Variants in KIAA0825 observed in about 807,000 individuals in gnomAD.
KIAA0825 encodes KIAA0825, also known as uncharacterized protein KIAA0825.
A neutral mutation model predicts 147.6 loss-of-function variants in KIAA0825; 119 were observed. That is an observed-to-expected ratio of 0.81 (90% CI 0.69 to 0.94). KIAA0825 has a LOEUF of 0.94. Ranked by LOEUF, KIAA0825 falls within the 40% of genes least tolerant of loss-of-function variation. The pLI, the probability that KIAA0825 is intolerant of heterozygous loss-of-function variation, is 0.00. For synonymous variants in KIAA0825, 470 were observed against 518.1 expected, an observed-to-expected ratio of 0.91 and a Z score of 1.26; for missense variants, 1,381 against 1,472.7, an observed-to-expected ratio of 0.94 and a Z score of 1.02.
chr5:94,585,235 C>T (rs1783040713), intron 1 of KIAA0825, among the ~76,000 whole-genome samples: 1 of 152,166 alleles, frequency 6.6e-6, no homozygotes, highest in Non-Finnish European at 1.5e-5. Flanking sequence ...AATTAAAAGA[C>T]TCAGACTGGC....
At chr5:94,550,954 A>T (rs1775428468) in intron 2 of KIAA0825, among the ~76,000 whole-genome samples, 1 of 152,100 alleles carries the variant, frequency 6.6e-6, no homozygotes, top group Admixed American at 6.5e-5. Flanking sequence ...CTCATATATA[A>T]GAGAATATAG....
intron 20 of KIAA0825, among the ~76,000 whole-genome samples, chr5:94,329,750 C>A (rs570630127): frequency 6.6e-6 from 1 of 152,204 alleles, no homozygotes; most frequent in East Asian, 1.9e-4. Context: ...TCCCTCCCCC[C>A]CTTTTTTTAT....
chr5:94,207,605 C>T (rs193289071), intron 20 of KIAA0825, among the ~76,000 whole-genome samples: 5 of 152,276 alleles, frequency 3.3e-5, no homozygotes, highest in Admixed American at 2.6e-4. Flanking sequence ...CAACATTTCA[C>T]GCATATGTTT....
chr5:94,456,153 C>T (rs564116940), intron 12 of KIAA0825, among the ~76,000 whole-genome samples: 13 of 152,240 alleles, frequency 8.5e-5, no homozygotes, highest in Non-Finnish European at 1.3e-4. Context: ...CTGGAGAATG[C>T]GGACATACAT....
chr5:94,613,863 T>C (rs1789633345), intron 1 of KIAA0825, among the ~76,000 whole-genome samples: 1 of 152,274 alleles, frequency 6.6e-6, no homozygotes, highest in Non-Finnish European at 1.5e-5. Flanking sequence ...CCTCATTATA[T>C]ACCCTTTCAT....
At chr5:94,548,955 A>G (rs1432381687) in intron 2 of KIAA0825, among the ~76,000 whole-genome samples, 1 of 152,134 alleles carries the variant, frequency 6.6e-6, no homozygotes, top group Admixed American at 6.5e-5. Flanking sequence ...AGAGCTAAAG[A>G]GAGAGAGAGA....
chr5:94,253,777 T>C (rs1236817856), intron 20 of KIAA0825, among the ~76,000 whole-genome samples: 1 of 152,174 alleles, frequency 6.6e-6, no homozygotes, highest in African/African-American at 2.4e-5. Context: ...TCCCGCCTAA[T>C]ATCAGTTCCT....
At chr5:94,586,913 A>G (rs1783411705) in intron 1 of KIAA0825, among the ~76,000 whole-genome samples, 1 of 152,236 alleles carries the variant, frequency 6.6e-6, no homozygotes, top group Non-Finnish European at 1.5e-5. Flanking sequence ...AATGTAATCC[A>G]TCACAGAAAC....
chr5:94,371,639 C>A (rs921970116), intron 20 of KIAA0825, among the ~76,000 whole-genome samples: 5 of 152,118 alleles, frequency 3.3e-5, no homozygotes, highest in African/African-American at 9.7e-5. Flanking sequence ...CCCCATGATT[C>A]AGTTACCTCC....
At chr5:94,297,641 G>C (rs1352814266) in intron 20 of KIAA0825, among the ~76,000 whole-genome samples, 1 of 151,924 alleles carries the variant, frequency 6.6e-6, no homozygotes, top group African/African-American at 2.4e-5. Context: ...TGTCGCCCGG[G>C]CTAGAGTGCA....
At chr5:94,201,600 TTTTTTTGG>T (rs1771700351) in intron 20 of KIAA0825, among the ~76,000 whole-genome samples, 1 of 150,404 alleles carries the variant, frequency 6.6e-6, no homozygotes, top group Non-Finnish European at 1.5e-5. Context: ...TTTTTTTTTG[TTTTTTTGG>T]TTTTTTGGTT....
chr5:94,353,892 T>C (rs1783970237), intron 20 of KIAA0825, among the ~76,000 whole-genome samples: 1 of 152,180 alleles, frequency 6.6e-6, no homozygotes, highest in Non-Finnish European at 1.5e-5. Context: ...TATATATGTT[T>C]TAACCTTTAT....
intron 14 of KIAA0825, among the ~76,000 whole-genome samples, chr5:94,438,194 G>C (rs188388164): frequency 1.3e-5 from 2 of 152,140 alleles, no homozygotes; most frequent in Non-Finnish European, 1.5e-5. Context: ...AGAGCTACTC[G>C]CTATTTATCA....
intron 3 of KIAA0825, among the ~76,000 whole-genome samples, chr5:94,526,339 G>A (rs1769271522): frequency 6.6e-6 from 1 of 151,884 alleles, no homozygotes; most frequent in South Asian, 2.1e-4. Flanking sequence ...TGGCACAGTG[G>A]GGATGGAAGT....
At chr5:94,280,021 A>C (rs1360718066) in intron 20 of KIAA0825, among the ~76,000 whole-genome samples, 1 of 152,212 alleles carries the variant, frequency 6.6e-6, no homozygotes, top group Admixed American at 6.5e-5. Context: ...TCTTTAGAAG[A>C]AGCTCAGTCG....
chr5:94,391,779 G>T, intron 17 of KIAA0825, 85 bp from the exon 18 acceptor site: 5 of 1,132,010 alleles, frequency 4.4e-6, no homozygotes, highest in East Asian at 2.7e-5. Context: ...GTGGAGAGTT[G>T]ATGTAAATCT....
At chr5:94,366,887 C>G (rs746354737) in intron 20 of KIAA0825, among the ~76,000 whole-genome samples, 1 of 152,144 alleles carries the variant, frequency 6.6e-6, no homozygotes. Flanking sequence ...CTGTTGTGTC[C>G]GGTTTCTACT....
At chr5:94,375,310 C>T (rs1008070484) in intron 20 of KIAA0825, among the ~76,000 whole-genome samples, 6 of 152,036 alleles carry the variant, frequency 3.9e-5, no homozygotes, top group Admixed American at 1.3e-4. Context: ...GGATTACAAG[C>T]GTGAGCCACC....
intron 6 of KIAA0825, among the ~76,000 whole-genome samples, chr5:94,482,236 T>C (rs1762575134): frequency 6.6e-6 from 1 of 152,036 alleles, no homozygotes; most frequent in African/African-American, 2.4e-5. Context: ...GTCTACAATA[T>C]AATAGTAAAC....
Sources: allele counts gnomAD v4.1 joint callset (sites outside exome capture counted in the v4.1 genomes callset), GRCh38; gene constraint gnomAD v4.1.1; transcripts MANE v1.5; gene names NCBI Gene and HGNC (gene_info 2026-07-23, HGNC 2026-07-21).